KIZ: variants seen among roughly 807,000 people sequenced by gnomAD.
KIZ encodes kizuna centrosomal protein.
In KIZ, 68 loss-of-function variants were observed where a neutral mutation model predicts 79.6. The ratio of observed to expected loss-of-function variants is 0.85; its 90% CI spans 0.70 to 1.05. KIZ has a LOEUF of 1.05. Among genes scored for constraint, KIZ ranks in the 50% least tolerant of loss-of-function variants. The pLI, the probability that KIZ is intolerant of heterozygous loss-of-function variation, is 0.00. For missense variants in KIZ, 797 were observed against 800.4 expected, an observed-to-expected ratio of 1.00 and a Z score of 0.05; for synonymous variants, 280 against 281.8, an observed-to-expected ratio of 0.99 and a Z score of 0.06.
intron 9 of KIZ, chr20:21,218,366 G>A (rs1163238610): frequency 6.6e-6 from 1 of 152,084 alleles, no homozygotes; most frequent in African/African-American, 2.4e-5. Flanking sequence ...TGATTACCAG[G>A]CAGCAGACCT....
Position 21,189,671 on chromosome 20 carries a change from G to A in KIZ, c.1353-15820G>A, listed in dbSNP as rs370280545. Among the ~76,000 whole-genome samples, 7 of 152,326 alleles carry A rather than the reference G, an allele frequency of 4.6e-5. No individual in the cohort carries two copies. The East Asian group carries it at 7.7e-4, about 17-fold the overall frequency. Reference sequence around the variant, plus strand: ...TGTGCAGCCTGTGCTACAATGAAGAGGACCTTAGTACAGACGGATGGTGCC... The same window carrying A: ...TGTGCAGCCTGTGCTACAATGAAGAAGACCTTAGTACAGACGGATGGTGCC... On this transcript the variant is annotated intron_variant, in intron 6 of 12. Coordinates refer to ENST00000619189, the MANE Select transcript of KIZ (RefSeq NM_018474.6).
chr20:21,199,739 TC>T (rs1440532707), intron 6 of KIZ, among the ~76,000 whole-genome samples: 2 of 152,368 alleles, frequency 1.3e-5, no homozygotes, highest in South Asian at 2.1e-4. Context: ...GCCAGTTTGA[TC>T]AACCATTGCA....
chr20:21,210,074 G>A (rs115914268), intron 7 of KIZ, among the ~76,000 whole-genome samples: 2,208 of 152,110 alleles, frequency 0.015, 48 homozygotes, highest in African/African-American at 0.05. Flanking sequence ...ATGAGAGGCC[G>A]AGGTTGGTGG....
At chr20:21,138,451 T>TA (rs1226996488) in intron 3 of KIZ, among the ~76,000 whole-genome samples, 2 of 152,242 alleles carry the variant, frequency 1.3e-5, no homozygotes, top group African/African-American at 4.8e-5. Flanking sequence ...CTAATACAGC[T>TA]ACTGCTCATA....
rs1600329394 is a variant in KIZ, at chr20:21,126,146, C to T, written c.31C>T (p.Leu11=). 1 of 1,513,966 alleles carries T rather than the reference C, an allele frequency of 6.6e-7. No homozygotes were observed. Among genetic ancestry groups the T allele is most frequent in the Non-Finnish European group, 8.8e-7 (1 of 1,130,228 alleles). The allele number at this position is 1,513,966 out of a possible 1,614,324, so 93.8% of individuals were successfully genotyped here. A position where few individuals can be genotyped will look rare whatever the true frequency, so the allele number is the denominator to read the frequency against. Residue 11 remains leucine (L), a synonymous_variant, in exon 1 of 13, where the codon CTG becomes TTG. Coordinates refer to ENST00000619189, the MANE Select transcript of KIZ (RefSeq NM_018474.6). The stretch of plus-strand genomic sequence containing the variant: ...CCGGACCCTCGCATCGGCCGTGCCC[C>T]TGTCGAGTCCCGACTACTACGAGAG... MSRTLASAVP[L]SSPDYYERLG...
At chr20:21,233,589 T>G (rs1034467123) in intron 11 of KIZ, among the ~76,000 whole-genome samples, 1 of 152,350 alleles carries the variant, frequency 6.6e-6, no homozygotes, top group East Asian at 1.9e-4. Flanking sequence ...AGTAAAAAGG[T>G]GTCCTTCAGA....
intron 8 of KIZ, 91 bp downstream of exon 8, chr20:21,214,791 T>G: frequency 5.4e-6 from 4 of 739,266 alleles, no homozygotes; most frequent in Non-Finnish European, 9.2e-6. Context: ...TATCACTGAC[T>G]AGTGAATACC....
At chr20:21,139,633 A>G (rs978787571) in intron 3 of KIZ, among the ~76,000 whole-genome samples, 3 of 152,170 alleles carry the variant, frequency 2.0e-5, no homozygotes, top group African/African-American at 4.8e-5. Flanking sequence ...ATTTCTTATT[A>G]TAACCAAATT....
chr20:21,147,567 T>A (rs1371273220), intron 4 of KIZ, among the ~76,000 whole-genome samples: 1 of 152,228 alleles, frequency 6.6e-6, no homozygotes, highest in Non-Finnish European at 1.5e-5. Flanking sequence ...CTCCAGGGCC[T>A]TTCCTGAAGC....
chr20:21,214,860 A>T (rs1307083975), intron 8 of KIZ, among the ~76,000 whole-genome samples, 160 bp downstream of exon 8: 1 of 152,206 alleles, frequency 6.6e-6, no homozygotes, highest in Non-Finnish European at 1.5e-5. Context: ...ATAAATATAT[A>T]TGTTCTCCTT....
Position 21,153,547 on chromosome 20 carries a change from G to A in KIZ, c.405+7893G>A, listed in dbSNP as rs139196116. On this transcript the variant is annotated intron_variant, in intron 4 of 12. Coordinates refer to ENST00000619189, the MANE Select transcript of KIZ (RefSeq NM_018474.6). The stretch of plus-strand genomic sequence containing the variant: ...TTTGGTGATGACTACATTTGTCATG[G>A]TGGCAACATGTAAGAAGAAGACTTA... 1.9e-3 allele frequency among the ~76,000 whole-genome samples: 290 copies of A among 152,228 alleles called. 2 individuals are homozygous for A. The highest frequency in any genetic ancestry group is 6.8e-3 in the East Asian group (35 of 5,176).
At chr20:21,156,724 T>C (rs1026365941) in intron 4 of KIZ, among the ~76,000 whole-genome samples, 3 of 152,298 alleles carry the variant, frequency 2.0e-5, no homozygotes, top group African/African-American at 7.2e-5. Context: ...TCTGTGCTTT[T>C]GGAAATGCTC....
At chr20:21,178,010 T>C (rs2034507011) in intron 6 of KIZ, among the ~76,000 whole-genome samples, 1 of 152,114 alleles carries the variant, frequency 6.6e-6, no homozygotes, top group Non-Finnish European at 1.5e-5. Flanking sequence ...AATCAGGACG[T>C]GTGATGCCTC....
At position 21,241,492 on chromosome 20, in the gene KIZ, A is replaced by G. The variant is rs114983996; in HGVS notation, c.1881-2753A>G. 9.3e-3 allele frequency among the ~76,000 whole-genome samples: 1,418 copies of G among 152,338 alleles called. 25 individuals are homozygous for G. The highest frequency in any genetic ancestry group is 0.033 in the African/African-American group (1,352 of 41,564). On this transcript the variant is annotated intron_variant, in intron 11 of 12. Transcript: ENST00000619189. The stretch of plus-strand genomic sequence containing the variant: ...ATCACACAGACAATTAAGAACGATT[A>G]CACAATTAATTCACATTTCACTAGG...
chr20:21,219,724 C>T (rs2036438869), intron 9 of KIZ, among the ~76,000 whole-genome samples: 1 of 152,218 alleles, frequency 6.6e-6, no homozygotes, highest in Non-Finnish European at 1.5e-5. Context: ...CTAATGGAAT[C>T]CAGTGTGCCA....
chr20:21,217,687 A>G (rs894732481), intron 9 of KIZ, among the ~76,000 whole-genome samples: 10 of 152,164 alleles, frequency 6.6e-5, no homozygotes, highest in African/African-American at 2.2e-4. Flanking sequence ...ATACTGCCCA[A>G]TAGGATTGTC....
chr20:21,145,043 T>G (rs2032772418), intron 3 of KIZ, among the ~76,000 whole-genome samples: 1 of 152,156 alleles, frequency 6.6e-6, no homozygotes, highest in Non-Finnish European at 1.5e-5. Flanking sequence ...CAGTATATTT[T>G]TATTCATAGA....
At chr20:21,194,344 C>G (rs1205041358) in intron 6 of KIZ, 1 of 152,178 alleles carries the variant, frequency 6.6e-6, no homozygotes, top group Non-Finnish European at 1.5e-5. Context: ...GCCCTTCTAG[C>G]TGGAATGATT....
At chr20:21,198,963 G>C (rs1279672114) in intron 6 of KIZ, among the ~76,000 whole-genome samples, 2 of 152,210 alleles carry the variant, frequency 1.3e-5, no homozygotes, top group Non-Finnish European at 2.9e-5. Context: ...TTGTGTGTTA[G>C]AAGGCTCTTT....
Sources: allele counts gnomAD v4.1 joint callset (sites outside exome capture counted in the v4.1 genomes callset), GRCh38; gene constraint gnomAD v4.1.1; transcripts MANE v1.5; gene names NCBI Gene and HGNC (gene_info 2026-07-23, HGNC 2026-07-21).